TMEM131L: variants seen among roughly 807,000 people sequenced by gnomAD.
TMEM131L encodes transmembrane protein 131-like.
In TMEM131L, 54 loss-of-function variants were observed where a neutral mutation model predicts 192.2. The ratio of observed to expected loss-of-function variants is 0.28; its 90% CI spans 0.23 to 0.35. The LOEUF (loss-of-function observed/expected upper bound fraction) is 0.35, where lower values mean the gene tolerates loss of function less well. Among genes scored for constraint, TMEM131L ranks in the 10% least tolerant of loss-of-function variants. The pLI is 1.00. For synonymous variants in TMEM131L, 701 were observed against 704.9 expected (o/e 0.99, Z 0.09); for missense variants, 1,888 against 1,972.9 (o/e 0.96, Z 0.82).
In TMEM131L at chr4:153,521,578, C is replaced by T. The variant is rs141275860; in HGVS notation, c.240-28495C>T. The stretch of plus-strand genomic sequence containing the variant: ...CATTTTTAAGTGTACAGTTGAGTGG[C>T]GTTAAGTATACCCATGTTACAGAGC... On this transcript the variant is annotated intron_variant, in intron 3 of 34. Transcript: ENST00000409959. Among the ~76,000 whole-genome samples, 135 of 152,198 alleles carry T rather than the reference C, an allele frequency of 8.9e-4. 1 individual carries two copies. Among genetic ancestry groups the T allele is most frequent in the African/African-American group, 3.1e-3 (129 of 41,522 alleles).
chr4:153,475,962 CT>C (rs986437744), intron 3 of TMEM131L, among the ~76,000 whole-genome samples: 1 of 152,066 alleles, frequency 6.6e-6, no homozygotes, highest in Admixed American at 6.6e-5. Context: ...GTATTGATAA[CT>C]TTTTTTGTTT....
Position 153,636,612 on chromosome 4 carries a change from G to T in TMEM131L, c.*36G>T, listed in dbSNP as rs373125022. On this transcript the variant is annotated 3_prime_UTR_variant, in exon 35 of 35. Transcript: ENST00000409959. Reference sequence around the variant, plus strand: ...ATTTTTAAACAATGTGAATAAAGAGGCTTGTGTTTTGATTACTAGTGTAAA... The same window carrying T: ...ATTTTTAAACAATGTGAATAAAGAGTCTTGTGTTTTGATTACTAGTGTAAA... 5.7e-6 allele frequency: 9 copies of T among 1,591,710 alleles called. No individual in the cohort carries two copies. Among genetic ancestry groups the T allele is most frequent in the Non-Finnish European group, 7.7e-6 (9 of 1,164,480 alleles).
chr4:153,564,244 ATCT>A (rs1729040875), intron 7 of TMEM131L, among the ~76,000 whole-genome samples: 2 of 140,500 alleles, frequency 1.4e-5, no homozygotes, highest in Admixed American at 7.8e-5. Flanking sequence ...AGCTGAGATC[ATCT>A]TATTGCACTC....
At chr4:153,539,069 T>C (rs1015818888) in intron 3 of TMEM131L, among the ~76,000 whole-genome samples, 2 of 152,174 alleles carry the variant, frequency 1.3e-5, no homozygotes, top group African/African-American at 4.8e-5. Flanking sequence ...GCAACCTCTG[T>C]CACAGAACCT....
chr4:153,618,002 A>C (rs1455788776), intron 26 of TMEM131L, among the ~76,000 whole-genome samples: 1 of 152,036 alleles, frequency 6.6e-6, no homozygotes, highest in Non-Finnish European at 1.5e-5. Context: ...ATTGTGTATC[A>C]GAGATTTTTC....
At chr4:153,524,634 A>G (rs148985520) in intron 3 of TMEM131L, among the ~76,000 whole-genome samples, 98 of 152,300 alleles carry the variant, frequency 6.4e-4, no homozygotes, top group African/African-American at 2.4e-3. Context: ...TAGGAGGCCT[A>G]GGTTTGTTTC....
At chr4:153,593,191 C>G (rs535024529) in intron 18 of TMEM131L, among the ~76,000 whole-genome samples, 1 of 152,304 alleles carries the variant, frequency 6.6e-6, no homozygotes, top group South Asian at 2.1e-4. Context: ...TATTTTCACA[C>G]AATCACAGTT....
rs1442893971 is a variant in TMEM131L at position 153,466,499 on chromosome 4, C to T, written c.102C>T (p.Arg34=). Reference sequence around the variant, plus strand: ...TCCAGGTCCTGCTGCCCTGCTGTCGCCCGGGAGGGGCTCAGGGACAAGGTC... The same window carrying T: ...TCCAGGTCCTGCTGCCCTGCTGTCGTCCGGGAGGGGCTCAGGGACAAGGTC... The part of the protein sequence containing the change: ...GVFQVLLPCC[R]PGGAQGQAIE... The change falls in exon 1 of 35, where the codon CGC becomes CGT. Residue 34 remains arginine (R), a synonymous_variant. Transcript: ENST00000409959. 6 of 1,406,974 alleles carry T rather than the reference C, an allele frequency of 4.3e-6. No homozygotes were observed. The highest frequency in any genetic ancestry group is 2.9e-5 in the African/African-American group (2 of 67,926). The allele number at this position is 1,406,974 out of a possible 1,614,324, so 87.2% of individuals were successfully genotyped here.
intron 3 of TMEM131L, among the ~76,000 whole-genome samples, chr4:153,475,283 A>T (rs1465815522): frequency 6.6e-6 from 1 of 152,168 alleles, no homozygotes; most frequent in East Asian, 1.9e-4. Flanking sequence ...GACAACTGAT[A>T]GATCATTCAA....
Position 153,604,337 on chromosome 4 carries a change from A to C in TMEM131L, c.3325A>C (p.Lys1109Gln), listed in dbSNP as rs1322249113. The C allele has an allele frequency of 6.2e-7, 1 of 1,614,106 alleles. No individual in the cohort carries two copies. Among genetic ancestry groups the C allele is most frequent in the East Asian group, 2.2e-5 (1 of 44,884 alleles). The change falls in exon 25 of 35, where the codon AAG becomes CAG. Residue 1109 changes from lysine (K) to glutamine (Q), a missense_variant. Coordinates refer to ENST00000409959, the MANE Select transcript of TMEM131L (RefSeq NM_001131007.2). ...CAAGGAACGGGAGCTCTGTCCACTG[A>C]AGACCTCCAAGAAACTACCTGAAAA... ...EFKERELCPL[K>Q]TSKKLPENHL...
At chr4:153,468,903 T>C (rs1419537145) in intron 2 of TMEM131L, among the ~76,000 whole-genome samples, 1 of 152,248 alleles carries the variant, frequency 6.6e-6, no homozygotes, top group Non-Finnish European at 1.5e-5. Context: ...TACTGGCTAG[T>C]GTTGGAAGCC....
At chr4:153,583,533 G>C (rs1730502127) in intron 10 of TMEM131L, 31 bp from the exon 11 acceptor site, 2 of 1,360,554 alleles carry the variant, frequency 1.5e-6, no homozygotes, top group Non-Finnish European at 2.1e-6. Flanking sequence ...CCAGCTGAGA[G>C]TAGTCACATG....
In TMEM131L at chr4:153,585,505, A is replaced by T; in HGVS notation, c.1205A>T (p.His402Leu). ...GCAACCCAGTTTCACATAGAGACTCATGAGAACACATCAGGACTTTGGTCA... is the reference window on the plus strand; with the variant it reads ...GCAACCCAGTTTCACATAGAGACTCTTGAGAACACATCAGGACTTTGGTCA... ...SSATQFHIET[H>L]ENTSGLWSIW... Residue 402 changes from histidine (H) to leucine (L), a missense_variant, in exon 13 of 35, where the codon CAT becomes CTT. By Grantham distance (99) the His-to-Leu change is moderately conservative (BLOSUM62 -3). Transcript: ENST00000409959. The T allele has an allele frequency of 1.2e-6, 2 of 1,614,140 alleles. No homozygotes were observed. The highest frequency in any genetic ancestry group is 1.7e-6 in the Non-Finnish European group (2 of 1,179,996).
intron 7 of TMEM131L, among the ~76,000 whole-genome samples, chr4:153,576,658 A>C (rs1162478391): frequency 6.6e-6 from 1 of 150,548 alleles, no homozygotes; most frequent in East Asian, 1.9e-4. Context: ...AACATAGTTA[A>C]ATTGTTGTAG....
intron 7 of TMEM131L, among the ~76,000 whole-genome samples, chr4:153,569,333 C>G (rs114632578): frequency 0.022 from 3,292 of 152,238 alleles, 84 homozygotes; most frequent in Middle Eastern, 0.085. Flanking sequence ...TGACCCTCCT[C>G]GGACTGCTGG....
At chr4:153,579,089 A>G (rs1730162588) in intron 7 of TMEM131L, among the ~76,000 whole-genome samples, 1 of 152,072 alleles carries the variant, frequency 6.6e-6, no homozygotes, top group African/African-American at 2.4e-5. Flanking sequence ...AGGCTGGTGT[A>G]TTGGTGCACA....
At chr4:153,566,276 C>T (rs945625623) in intron 7 of TMEM131L, among the ~76,000 whole-genome samples, 6 of 152,028 alleles carry the variant, frequency 3.9e-5, no homozygotes, top group African/African-American at 1.4e-4. Context: ...GCTGGGACCA[C>T]AGGCGCCCGC....
intron 21 of TMEM131L, among the ~76,000 whole-genome samples, chr4:153,600,445 C>T (rs1232614265): frequency 6.6e-6 from 1 of 151,782 alleles, no homozygotes; most frequent in East Asian, 1.9e-4. Context: ...GTTTAAATAG[C>T]TGCATGTGTC....
At chr4:153,552,164 C>G (rs1737673906) in intron 4 of TMEM131L, among the ~76,000 whole-genome samples, 1 of 151,962 alleles carries the variant, frequency 6.6e-6, no homozygotes, top group Admixed American at 6.5e-5. Flanking sequence ...GAGCCAAGAT[C>G]ATCATGCCAC....
Sources: gnomAD v4.1 joint callset for allele counts (sites outside exome capture counted in the v4.1 genomes callset) on GRCh38, gnomAD v4.1.1 for gene constraint, MANE v1.5 for transcripts, NCBI Gene and HGNC (gene_info 2026-07-23, HGNC 2026-07-21) for gene names.